The following DNTTIP1 variants were observed in gnomAD, a reference collection of about 807,000 sequenced individuals.
DNTTIP1 encodes the protein deoxynucleotidyltransferase terminal interacting protein 1.
In DNTTIP1, 22 loss-of-function variants were observed where a neutral mutation model predicts 52.9. The observed-to-expected ratio is 0.42, with a 90% CI of 0.30 to 0.59. DNTTIP1 has a LOEUF of 0.59. Ranked by LOEUF, DNTTIP1 falls within the 20% of genes least tolerant of loss-of-function variation. The pLI is 0.22. For missense variants in DNTTIP1, 286 were observed against 435.5 expected (o/e 0.66, Z 3.06); for synonymous variants, 136 against 155.1 (o/e 0.88, Z 0.92).
At chr20:45,801,907 A>G in intron 6 of DNTTIP1, 92 bp from the exon 7 acceptor site, 1 of 1,261,576 alleles carries the variant, frequency 7.9e-7, no homozygotes, top group East Asian at 2.3e-5. Context: ...ATCTCTTTGG[A>G]AAACCATCTC....
rs1321702098 is a variant in DNTTIP1 at position 45,800,695 on chromosome 20, ATATATATATATATATATATATATAT to A, written c.373-378_373-354del. ...ATCTCAATTTAAAAAAAAAAAAAAAATATATATATATATATATATATATATATATATATATATATATATATATATA... is the reference window on the plus strand; with the variant it reads ...ATCTCAATTTAAAAAAAAAAAAAAAAATATATATATATATATATATATATA... On this transcript the variant is annotated intron_variant, in intron 4 of 12. Transcript: ENST00000372622. Among the ~76,000 whole-genome samples the A allele has an allele frequency of 8.9e-3, 81 of 9,100 alleles. 8 individuals are homozygous for A. Among genetic ancestry groups the A allele is most frequent in the South Asian group, 0.019 (5 of 266 alleles). The allele number at this position is 9,100 out of a possible 152,430, so 6.0% of individuals were successfully genotyped here.
At chr20:45,796,387 CAAAA>C (rs11477536) in intron 4 of DNTTIP1, 22 of 371,900 alleles carry the variant, frequency 5.9e-5, no homozygotes, top group Admixed American at 3.0e-4. Flanking sequence ...AAAAGCAAAG[CAAAA>C]AAAAAAAAAG....
chr20:45,794,032 G>T lies in DNTTIP1; in HGVS notation c.273+15G>T. The T allele has an allele frequency of 6.5e-7, 1 of 1,540,820 alleles. No individual in the cohort carries two copies. Among genetic ancestry groups the T allele is most frequent in the Non-Finnish European group, 8.8e-7 (1 of 1,131,212 alleles). On this transcript the variant is annotated intron_variant, in intron 3 of 12. Coordinates refer to ENST00000372622, the MANE Select transcript of DNTTIP1 (RefSeq NM_052951.3). ...AGTACATGAAGGTGAGAGGGACACA[G>T]GATAAAAAATAACAGGAGAAAGACT...
chr20:45,810,575 C>CTTTTTTTTTT (rs57338956), intron 11 of DNTTIP1, among the ~76,000 whole-genome samples: 2 of 124,136 alleles, frequency 1.6e-5, no homozygotes, highest in Non-Finnish European at 3.3e-5. Flanking sequence ...TTCTTTTTTT[C>CTTTTTTTTTT]TTTTTTTTTT....
intron 4 of DNTTIP1, among the ~76,000 whole-genome samples, chr20:45,799,041 C>A (rs929728814): frequency 6.6e-6 from 1 of 152,138 alleles, no homozygotes; most frequent in Admixed American, 6.6e-5. Context: ...AGGAGAAGAG[C>A]ATGAATCCAA....
chr20:45,805,532 T>C (rs1443447267), intron 10 of DNTTIP1, among the ~76,000 whole-genome samples, 166 bp downstream of exon 10: 4 of 152,222 alleles, frequency 2.6e-5, no homozygotes, highest in Non-Finnish European at 5.9e-5. Flanking sequence ...ACTCAACACC[T>C]CTGTGCCTCA....
intron 2 of DNTTIP1, among the ~76,000 whole-genome samples, chr20:45,793,392 G>A (rs1451669458): frequency 6.6e-6 from 1 of 151,840 alleles, no homozygotes; most frequent in South Asian, 2.1e-4. Context: ...GAGAAACCCC[G>A]TCTCTACTAA....
At chr20:45,796,367 A>G in intron 4 of DNTTIP1, 1 of 409,546 alleles carries the variant, frequency 2.4e-6, no homozygotes, top group Middle Eastern at 4.0e-4. Flanking sequence ...AGAGCTAGAA[A>G]AAAATTTTTA....
At chr20:45,796,829 C>T (rs1981256098) in intron 4 of DNTTIP1, among the ~76,000 whole-genome samples, 1 of 152,202 alleles carries the variant, frequency 6.6e-6, no homozygotes, top group African/African-American at 2.4e-5. Context: ...TCAACTTACT[C>T]AGCTTCTCAG....
At chr20:45,797,716 A>C (rs1199513538) in intron 4 of DNTTIP1, among the ~76,000 whole-genome samples, 5 of 152,186 alleles carry the variant, frequency 3.3e-5, no homozygotes, top group Non-Finnish European at 1.5e-5. Context: ...ATGCAGCCAA[A>C]AGACACATGA....
intron 4 of DNTTIP1, among the ~76,000 whole-genome samples, chr20:45,796,089 G>A (rs1304370750): frequency 1.3e-5 from 2 of 152,230 alleles, no homozygotes; most frequent in Middle Eastern, 3.4e-3. Flanking sequence ...GAAGTGGGGG[G>A]ATGTTAATCA....
At chr20:45,799,847 C>A (rs899369502) in intron 4 of DNTTIP1, among the ~76,000 whole-genome samples, 1 of 141,690 alleles carries the variant, frequency 7.1e-6, no homozygotes, top group African/African-American at 2.5e-5. Context: ...CTGGCTCACG[C>A]CTGTAATCCC....
intron 7 of DNTTIP1, 36 bp downstream of exon 7, chr20:45,802,093 G>A (rs777645712): frequency 3.7e-6 from 6 of 1,609,324 alleles, no homozygotes; most frequent in Non-Finnish European, 8.5e-7. Flanking sequence ...AGAGCATAGG[G>A]GAGCAGACGG....
intron 3 of DNTTIP1, among the ~76,000 whole-genome samples, chr20:45,794,321 G>A (rs112441643): frequency 0.017 from 2,554 of 152,020 alleles, 71 homozygotes; most frequent in African/African-American, 0.058. Flanking sequence ...GCTAATTTTT[G>A]TATTTTTAGT....
Position 45,792,935 on chromosome 20 carries a change from C to CA in DNTTIP1, c.176+189dup, listed in dbSNP as rs565618453. Among the ~76,000 whole-genome samples the CA allele has an allele frequency of 2.0e-5, 3 of 152,308 alleles. 1 individual carries two copies. The South Asian group carries it at 6.2e-4, about 32-fold the overall frequency. On this transcript the variant is annotated intron_variant, in intron 2 of 12. Coordinates refer to ENST00000372622, the MANE Select transcript of DNTTIP1 (RefSeq NM_052951.3). ...GTCAAGTCACTTCCTTCTCTGAACT[C>CA]ACGTACAAAATGGGGAAGGGCACAG...
In DNTTIP1 at chr20:45,801,435, C is replaced by T; in HGVS notation, c.475C>T (p.Arg159Ter). Residue 159 changes from arginine to a stop codon, truncating the protein, a stop_gained, in exon 6 of 13, where the codon CGA becomes TGA. Coordinates refer to ENST00000372622, the MANE Select transcript of DNTTIP1 (RefSeq NM_052951.3). LOFTEE classifies it high-confidence loss of function. ...GRQAEEECAH[R>*]GSPLPKKRKG... The stretch of plus-strand genomic sequence containing the variant: ...TCAGGCAGAAGAAGAATGTGCCCAT[C>T]GAGGAAGCCCCCTTCCTAAAAAGGT... 1 of 1,614,166 alleles carries T rather than the reference C, an allele frequency of 6.2e-7. No individual in the cohort carries two copies. Among genetic ancestry groups the T allele is most frequent in the Non-Finnish European group, 8.5e-7 (1 of 1,180,024 alleles).
chr20:45,796,324 T>C (rs1442183371), intron 4 of DNTTIP1: 1 of 374,296 alleles, frequency 2.7e-6, no homozygotes, highest in Non-Finnish European at 5.2e-6. Flanking sequence ...ACCTTGAATA[T>C]ATACCATTTC....
chr20:45,795,676 A>G lies in DNTTIP1; in HGVS notation c.372+233A>G, dbSNP rs183669904. On this transcript the variant is annotated intron_variant, in intron 4 of 12. Coordinates refer to ENST00000372622, the MANE Select transcript of DNTTIP1 (RefSeq NM_052951.3). ...TAGCTGGGCATGGTGGTGCACGCCT[A>G]TAATCCTAGCTGCTTGGGAGCCATA... 1.6e-4 allele frequency among the ~76,000 whole-genome samples: 24 copies of G among 152,256 alleles called. No homozygotes were observed. In the East Asian group the frequency reaches 3.3e-3, roughly 21 times the overall value.
rs1039138537 is a variant in DNTTIP1, at chr20:45,794,021, A to T, written c.273+4A>T. ...TGTCTTCAACAAGTACATGAAGGTGAGAGGGACACAGGATAAAAAATAACA... is the reference window on the plus strand; with the variant it reads ...TGTCTTCAACAAGTACATGAAGGTGTGAGGGACACAGGATAAAAAATAACA... On this transcript the variant is annotated splice_donor_region_variant and intron_variant, in intron 3 of 12. Transcript: ENST00000372622. The T allele has an allele frequency of 6.4e-7, 1 of 1,571,824 alleles. No individual in the cohort carries two copies. Among genetic ancestry groups the T allele is most frequent in the African/African-American group, 1.4e-5 (1 of 73,920 alleles).
Sources: allele counts gnomAD v4.1 joint callset (sites outside exome capture counted in the v4.1 genomes callset), GRCh38; gene constraint gnomAD v4.1.1; transcripts MANE v1.5; gene names NCBI Gene and HGNC (gene_info 2026-07-23, HGNC 2026-07-21).